DAZAP1: variants seen among roughly 807,000 people sequenced by gnomAD.
DAZAP1 encodes DAZ-associated protein 1.
A neutral mutation model predicts 60.1 loss-of-function variants in DAZAP1; 6 were observed. That is an observed-to-expected ratio of 0.10 (90% CI 0.05 to 0.20). DAZAP1 has a LOEUF of 0.20. Ranked by LOEUF, DAZAP1 falls within the 10% of genes least tolerant of loss-of-function variation. DAZAP1 has a pLI of 1.00. For synonymous variants in DAZAP1, 235 were observed against 215.9 expected, an observed-to-expected ratio of 1.09 and a Z score of -0.78; for missense variants, 366 against 560.4, an observed-to-expected ratio of 0.65 and a Z score of 3.50.
At position 1,433,813 on chromosome 19, in the gene DAZAP1, A is replaced by G; in HGVS notation, c.1049-924A>G. 2.5e-6 allele frequency: 4 copies of G among 1,613,928 alleles called. No homozygotes were observed. The highest frequency in any genetic ancestry group is 3.4e-6 in the Non-Finnish European group (4 of 1,179,854). On this transcript the variant is annotated intron_variant, in intron 11 of 11. Coordinates refer to ENST00000233078, the MANE Select transcript of DAZAP1 (RefSeq NM_018959.4). This position sits in a 1 kb window ranked among gnomAD's most constrained non-coding sequence, Gnocchi z 6.1. Reference sequence around the variant, plus strand: ...TTACAGTCTTATGGTCAGGCTGAGCAGTGATGTGGCCTAGGTAGGTGCCGC... The same window carrying G: ...TTACAGTCTTATGGTCAGGCTGAGCGGTGATGTGGCCTAGGTAGGTGCCGC...
rs1030818261 is a variant in DAZAP1, at chr19:1,425,741, C to T, written c.464-137C>T. On this transcript the variant is annotated intron_variant, in intron 6 of 11. Coordinates refer to ENST00000233078, the MANE Select transcript of DAZAP1 (RefSeq NM_018959.4). The surrounding 1 kb of genome is among the most constrained non-coding windows in gnomAD (Gnocchi z 5.4). ...GCTCCTGGGGAGGGAGGCAGCTGCC[C>T]CAGGGGCCCGCAGCGCCCCACACAC... 1.6e-5 allele frequency: 11 copies of T among 678,612 alleles called. No individual in the cohort carries two copies. The highest frequency in any genetic ancestry group is 5.3e-5 in the East Asian group (2 of 37,396). 42.0% of individuals were successfully genotyped at this position (678,612 alleles called of 1,614,324 possible). A position where few individuals can be genotyped will look rare whatever the true frequency, so the allele number is the denominator to read the frequency against.
chr19:1,419,337 G>A (rs1026624369), intron 4 of DAZAP1, among the ~76,000 whole-genome samples: 1 of 152,230 alleles, frequency 6.6e-6, no homozygotes, highest in Non-Finnish European at 1.5e-5. Context: ...CCCATAGAAC[G>A]TGCTGGACAG....
chr19:1,413,054 G>T (rs1401436111), intron 1 of DAZAP1, among the ~76,000 whole-genome samples: 1 of 152,198 alleles, frequency 6.6e-6, no homozygotes, highest in Non-Finnish European at 1.5e-5. Flanking sequence ...CCCCTCAGAG[G>T]CAGGGTGCAG....
Position 1,428,684 on chromosome 19 carries a change from A to G in DAZAP1, c.547-158A>G. ...ATTCAACACAAAAGAATTTTTTAAG[A>G]AAAAAATGCTACTGGCCTAAATAAG... On this transcript the variant is annotated intron_variant, in intron 7 of 11. Coordinates refer to ENST00000233078, the MANE Select transcript of DAZAP1 (RefSeq NM_018959.4). The surrounding 1 kb of genome is among the most constrained non-coding windows in gnomAD (Gnocchi z 4.0). The G allele has an allele frequency of 1.1e-6, 1 of 912,416 alleles. No homozygotes were observed. Among genetic ancestry groups the G allele is most frequent in the East Asian group, 2.8e-5 (1 of 35,286 alleles). 56.5% of individuals were successfully genotyped at this position (912,416 alleles called of 1,614,324 possible). A position where few individuals can be genotyped will look rare whatever the true frequency, so the allele number is the denominator to read the frequency against.
chr19:1,424,235 G>T (rs956969243), intron 6 of DAZAP1, among the ~76,000 whole-genome samples: 2 of 151,706 alleles, frequency 1.3e-5, no homozygotes, highest in African/African-American at 4.9e-5. Context: ...CCGCTGCCTC[G>T]TTCGCCTCTC....
In DAZAP1 at chr19:1,418,142, C is replaced by A. The variant is rs2083042633; in HGVS notation, c.71-62C>A. On this transcript the variant is annotated intron_variant, in intron 2 of 11. Coordinates refer to ENST00000233078, the MANE Select transcript of DAZAP1 (RefSeq NM_018959.4). This position sits in a 1 kb window ranked among gnomAD's most constrained non-coding sequence, Gnocchi z 5.7. The stretch of plus-strand genomic sequence containing the variant: ...AGGAGTGTGCGTGCCGGCAGCACTG[C>A]CAGGCACGTGCCTAATGCTCTGGCC... 3 of 1,563,216 alleles carry A rather than the reference C, an allele frequency of 1.9e-6. No homozygotes were observed. Among genetic ancestry groups the A allele is most frequent in the Admixed American group, 3.4e-5 (2 of 59,406 alleles).
At chr19:1,430,101 G>C (rs533590864) in intron 9 of DAZAP1, 105 bp downstream of exon 9, 1 of 1,570,668 alleles carries the variant, frequency 6.4e-7, no homozygotes, top group African/African-American at 1.3e-5. Context: ...CGTGTCCTGA[G>C]TGCTGGAGAG....
At position 1,429,112 on chromosome 19, in the gene DAZAP1, C is replaced by T. The variant is rs139896237; in HGVS notation, c.700+117C>T. 93 of 1,289,900 alleles carry T rather than the reference C, an allele frequency of 7.2e-5. No homozygotes were observed. In the African/African-American group the frequency reaches 1.1e-3, roughly 16 times the overall value. The allele number at this position is 1,289,900 out of a possible 1,614,324, so 79.9% of individuals were successfully genotyped here. ...CCTCTGCTGTGCATGCACAGAGCCGCGGTTCACAGTGTCCTTGAGCCCCCG... is the reference window on the plus strand; with the variant it reads ...CCTCTGCTGTGCATGCACAGAGCCGTGGTTCACAGTGTCCTTGAGCCCCCG... On this transcript the variant is annotated intron_variant, in intron 8 of 11. Coordinates refer to ENST00000233078, the MANE Select transcript of DAZAP1 (RefSeq NM_018959.4).
In DAZAP1 at chr19:1,413,032, C is replaced by A. The variant is rs189501481; in HGVS notation, c.30-4468C>A. ...TGCCGTCAGCTGGGTGATGACTCTC[C>A]CACCCAGCGGGCCCCTCAGAGGCAG... On this transcript the variant is annotated intron_variant, in intron 1 of 11. Transcript: ENST00000233078. 4.2e-3 allele frequency among the ~76,000 whole-genome samples: 637 copies of A among 152,298 alleles called. 27 individuals carry two copies. The highest frequency in any genetic ancestry group is 0.039 in the Admixed American group (595 of 15,302).
chr19:1,429,236 T>C (rs552778252), intron 8 of DAZAP1, among the ~76,000 whole-genome samples: 2 of 152,292 alleles, frequency 1.3e-5, no homozygotes, highest in African/African-American at 2.4e-5. Context: ...CTGGGACTCA[T>C]TGTCACCGGG....
In DAZAP1 at chr19:1,428,876, A is replaced by G; in HGVS notation, c.581A>G (p.Lys194Arg). 6.2e-7 allele frequency: 1 copy of G among 1,613,078 alleles called. No homozygotes were observed. The highest frequency in any genetic ancestry group is 1.1e-5 in the South Asian group (1 of 91,080). The stretch of plus-strand genomic sequence containing the variant: ...AAACGAGCTGAGCCTCGGGACAGCA[A>G]GAGCCAAGCGCCGGGACAGCCAGGT... ...EVKRAEPRDS[K>R]SQAPGQPGAS... The change falls in exon 8 of 12, where the codon AAG (lysine) becomes AGG (arginine). Residue 194 changes from lysine (K) to arginine (R), a missense_variant. Lys to Arg is a conservative substitution (Grantham distance 26). Around this residue, in one of 3 missense-constraint regions of DAZAP1, gnomAD observed 240 missense variants for 308.8 expected, o/e 0.78. Coordinates refer to ENST00000233078, the MANE Select transcript of DAZAP1 (RefSeq NM_018959.4). This position sits in a 1 kb window ranked among gnomAD's most constrained non-coding sequence, Gnocchi z 4.0.
chr19:1,424,509 T>C (rs962139512), intron 6 of DAZAP1, among the ~76,000 whole-genome samples: 4 of 151,108 alleles, frequency 2.6e-5, no homozygotes, highest in African/African-American at 9.8e-5. Flanking sequence ...TTTCCATCTT[T>C]CCCCGCCCCC....
rs1012125149 is a variant in DAZAP1 at position 1,435,145 on chromosome 19, TA to T, written c.*241del. On this transcript the variant is annotated 3_prime_UTR_variant, in exon 12 of 12. Transcript: ENST00000233078. ...AAGTCACTGGTTCAACAACAGGGTT[TA>T]AAAAAAATGTCTTCAGCTTTAATTC... is the stretch of plus-strand genomic sequence containing the variant. The T allele has an allele frequency of 3.0e-4, 91 of 306,702 alleles. No homozygotes were observed. The highest frequency in any genetic ancestry group is 3.1e-4 in the Non-Finnish European group (53 of 168,670). 19.0% of individuals were successfully genotyped at this position (306,702 alleles called of 1,614,324 possible). A position where few individuals can be genotyped will look rare whatever the true frequency, so the allele number is the denominator to read the frequency against.
In DAZAP1 at chr19:1,432,031, G is replaced by C; in HGVS notation, c.872-483G>C. On this transcript the variant is annotated intron_variant, in intron 10 of 11. Coordinates refer to ENST00000233078, the MANE Select transcript of DAZAP1 (RefSeq NM_018959.4). This position sits in a 1 kb window ranked among gnomAD's most constrained non-coding sequence, Gnocchi z 4.9. ...CCAGATGACTGACAGGAGGGGAGTT[G>C]GGTGGAACCTCGGCCTGCCTGATAT... 5.8e-6 allele frequency: 1 copy of C among 172,402 alleles called. No individual in the cohort carries two copies. Among genetic ancestry groups the C allele is most frequent in the Non-Finnish European group, 1.3e-5 (1 of 79,832 alleles). 10.7% of individuals were successfully genotyped at this position (172,402 alleles called of 1,614,324 possible). A position where few individuals can be genotyped will look rare whatever the true frequency, so the allele number is the denominator to read the frequency against.
At position 1,418,182 on chromosome 19, in the gene DAZAP1, T is replaced by C; in HGVS notation, c.71-22T>C. 6.2e-7 allele frequency: 1 copy of C among 1,612,896 alleles called. No homozygotes were observed. The highest frequency in any genetic ancestry group is 8.5e-7 in the Non-Finnish European group (1 of 1,179,042). ...ATGCTCTGGCCCTGTGTGTTTGTGT[T>C]TTCTTCCCGATTTCTGAGCAGAGAC... On this transcript the variant is annotated intron_variant, in intron 2 of 11. Transcript: ENST00000233078. The surrounding 1 kb of genome is among the most constrained non-coding windows in gnomAD (Gnocchi z 5.7).
intron 7 of DAZAP1, chr19:1,427,379 T>C (rs1385961458): frequency 1.3e-5 from 2 of 152,248 alleles, no homozygotes; most frequent in African/African-American, 4.8e-5. Flanking sequence ...TCAGTGTGGG[T>C]CTCGCCTTCC....
Position 1,428,726 on chromosome 19 carries a change from T to G in DAZAP1, c.547-116T>G. 1 of 1,231,476 alleles carries G rather than the reference T, an allele frequency of 8.1e-7. No homozygotes were observed. The highest frequency in any genetic ancestry group is 2.5e-5 in the East Asian group (1 of 40,644). The allele number at this position is 1,231,476 out of a possible 1,614,324, so 76.3% of individuals were successfully genotyped here. On this transcript the variant is annotated intron_variant, in intron 7 of 11. Transcript: ENST00000233078. The surrounding 1 kb of genome is among the most constrained non-coding windows in gnomAD (Gnocchi z 4.0). ...CTAAATAAGGTTTATAGTTAAGTAT[T>G]TAGTCTTAAGTTGTAAGATGCTAAG...
Position 1,421,109 on chromosome 19 carries a change from G to T in DAZAP1, c.304-39G>T, listed in dbSNP as rs753307315. ...CGCAGCTCGCGGGAGGGTTTGGAGG[G>T]TTCCCGTGTGAACTAACTATCCTTC... On this transcript the variant is annotated intron_variant, in intron 4 of 11. Coordinates refer to ENST00000233078, the MANE Select transcript of DAZAP1 (RefSeq NM_018959.4). The T allele has an allele frequency of 1.6e-5, 26 of 1,596,772 alleles. 1 individual carries two copies. The Admixed American group carries it at 4.3e-4, about 27-fold the overall frequency.
intron 6 of DAZAP1, among the ~76,000 whole-genome samples, chr19:1,424,561 G>T (rs2083258847): frequency 6.6e-6 from 1 of 151,726 alleles, no homozygotes; most frequent in Admixed American, 6.6e-5. Context: ...AGCTACAGCA[G>T]CCCTGGCCCC....
Sources: allele counts gnomAD v4.1 joint callset (sites outside exome capture counted in the v4.1 genomes callset), GRCh38; gene constraint gnomAD v4.1.1; regional missense constraint gnomAD v4.1.1; non-coding constraint Gnocchi (gnomAD v3.1); transcripts MANE v1.5; gene names NCBI Gene and HGNC (gene_info 2026-07-23, HGNC 2026-07-21).